The following CELSR1 variants were observed in gnomAD, a reference collection of about 807,000 sequenced individuals.
CELSR1 encodes the protein adhesion G protein-coupled receptor C1.
Under a neutral mutation model 249.1 loss-of-function variants are expected in CELSR1, and 110 were observed. The observed-to-expected ratio is 0.44, with a 90% CI of 0.38 to 0.52. The LOEUF is 0.52. Among genes scored for constraint, CELSR1 ranks in the 20% least tolerant of loss-of-function variants. The pLI, the probability that CELSR1 is intolerant of heterozygous loss-of-function variation, is 0.00. For missense variants in CELSR1, 4,109 were observed against 4,296.4 expected, an observed-to-expected ratio of 0.96 and a Z score of 1.22; for synonymous variants, 2,113 against 1,900.0, an observed-to-expected ratio of 1.11 and a Z score of -2.92.
At position 46,428,159 on chromosome 22, in the gene CELSR1, C is replaced by T. The variant is rs1389512180; in HGVS notation, c.4611+5234G>A. Among the ~76,000 whole-genome samples, 1 of 152,228 alleles carries T rather than the reference C, an allele frequency of 6.6e-6. No homozygotes were observed. Among genetic ancestry groups the T allele is most frequent in the Non-Finnish European group, 1.5e-5 (1 of 68,038 alleles). On this transcript the variant is annotated intron_variant, in intron 5 of 34. Transcript: ENST00000674500. This position sits in a 1 kb window ranked among gnomAD's most constrained non-coding sequence, Gnocchi z 5.7. ...CAGAGGCCGGTCCTCCGGTTTGTTGCAACCGGGCCTCATGCTGTCTTTATA... is the reference window on the plus strand; with the variant it reads ...CAGAGGCCGGTCCTCCGGTTTGTTGTAACCGGGCCTCATGCTGTCTTTATA...
intron 5 of CELSR1, among the ~76,000 whole-genome samples, chr22:46,425,600 C>A (rs2079527902): frequency 6.6e-6 from 1 of 152,096 alleles, no homozygotes; most frequent in African/African-American, 2.4e-5. Context: ...CCCTTATTAC[C>A]CTTTTTAACA....
rs751426145 is a variant in CELSR1 at position 46,464,085 on chromosome 22, C to T, written c.3805G>A (p.Gly1269Ser). Reference sequence around the variant, plus strand: ...GACGGGAAGAACTGGCCGCGGACGCCGCCAGGCAGCAGCGCCGAGAAGGTC... The same window carrying T: ...GACGGGAAGAACTGGCCGCGGACGCTGCCAGGCAGCAGCGCCGAGAAGGTC... Reference protein sequence around the residue: ...NVTFSALLPGGVRGQFFPSED... With the variant: ...NVTFSALLPGSVRGQFFPSED... The change falls in exon 2 of 35, where the codon GGC becomes AGC. Residue 1269 changes from glycine to serine, a missense_variant. Around this residue, in one of 7 missense-constraint regions of CELSR1, gnomAD observed 141 missense variants for 209.4 expected, o/e 0.67. Transcript: ENST00000674500. This position sits in a 1 kb window ranked among gnomAD's most constrained non-coding sequence, Gnocchi z 8.5. 72 of 1,613,730 alleles carry T rather than the reference C, an allele frequency of 4.5e-5. 1 individual carries two copies. The Admixed American group carries it at 5.7e-4, about 13-fold the overall frequency.
chr22:46,365,822 A>G, intron 30 of CELSR1, 133 bp from the exon 31 acceptor site: 1 of 110,482 alleles, frequency 9.1e-6, no homozygotes, highest in Non-Finnish European at 1.6e-5. Context: ...CAGCCTCCCG[A>G]GTATGTGGGG....
intron 1 of CELSR1, among the ~76,000 whole-genome samples, chr22:46,483,011 A>C (rs2080281253): frequency 6.6e-6 from 1 of 152,226 alleles, no homozygotes; most frequent in African/African-American, 2.4e-5. Flanking sequence ...CAAGCCACTC[A>C]GCTGTCTACA....
intron 5 of CELSR1, among the ~76,000 whole-genome samples, chr22:46,431,682 C>T (rs146376910): frequency 7.2e-5 from 11 of 152,346 alleles, no homozygotes; most frequent in Middle Eastern, 6.8e-3. Flanking sequence ...CAGGACGCAA[C>T]GGCCACCCGT....
At chr22:46,515,224 C>G (rs1448973611) in intron 1 of CELSR1, among the ~76,000 whole-genome samples, 4 of 152,210 alleles carry the variant, frequency 2.6e-5, no homozygotes, top group Non-Finnish European at 5.9e-5. Flanking sequence ...CATGGCCCTG[C>G]CCACCACTCC....
rs2078872340 is a variant in CELSR1, at chr22:46,372,985, T to C, written c.7657A>G (p.Ser2553Gly). 1.2e-6 allele frequency: 2 copies of C among 1,613,156 alleles called. No individual in the cohort carries two copies. The highest frequency in any genetic ancestry group is 1.7e-6 in the Non-Finnish European group (2 of 1,179,842). The change falls in exon 25 of 35, where the codon AGC (serine) becomes GGC (glycine). Residue 2553 changes from serine to glycine, a missense_variant. Around this residue, in one of 7 missense-constraint regions of CELSR1, gnomAD observed 1,805 missense variants for 1,831.6 expected, o/e 0.99. Transcript: ENST00000674500. ...GTCAGCATGCGGTAGACATGCAGGC[T>C]CTCCACGAGGGTCCAGGCAAAGGTG... ...MSTFAWTLVESLHVYRMLTEV... is the reference protein window; with the variant it reads ...MSTFAWTLVEGLHVYRMLTEV...
chr22:46,381,957 C>T lies in CELSR1; in HGVS notation c.6977G>A (p.Arg2326Gln), dbSNP rs551376675. The change falls in exon 21 of 35, where the codon CGG becomes CAG. Residue 2326 changes from arginine (R) to glutamine (Q), a missense_variant. Physicochemically the swap from Arg to Gln is conservative, Grantham distance 43. Coordinates refer to ENST00000674500, the MANE Select transcript of CELSR1 (RefSeq NM_001378328.1). This position sits in a 1 kb window ranked among gnomAD's most constrained non-coding sequence, Gnocchi z 6.0. ...GCCAGCGTCATCAGGGTGTCGCCTC[C>T]GCCTGCTGATCGGGGCCTCCCTCTC... Reference protein sequence around the residue: ...GTEREAPISRRRRHPDDAGQF... With the variant: ...GTEREAPISRQRRHPDDAGQF... 187 of 1,564,788 alleles carry T rather than the reference C, an allele frequency of 1.2e-4. 3 individuals are homozygous for T. The South Asian group carries it at 1.5e-3, about 12-fold the overall frequency.
At chr22:46,367,673 C>T (rs1401499571) in intron 28 of CELSR1, 56 bp downstream of exon 28, 9 of 1,556,622 alleles carry the variant, frequency 5.8e-6, no homozygotes, top group East Asian at 4.7e-5. Flanking sequence ...CGCATCACAG[C>T]GATGGTGTCA....
At position 46,377,196 on chromosome 22, in the gene CELSR1, C is replaced by A. The variant is rs1180566124; in HGVS notation, c.7449G>T (p.Leu2483=). ...GGCTCAGGAGGACGAAGGCCACCAG[C>A]AGGGCTGCCAGTGACAAGGACACAG... The part of the protein sequence containing the change: ...YAAVSLSLAA[L]LVAFVLLSLV... The change falls in exon 24 of 35, where the codon CTG becomes CTT. Residue 2483 remains leucine, a synonymous_variant. Transcript: ENST00000674500. 1.2e-6 allele frequency: 2 copies of A among 1,613,946 alleles called. No individual in the cohort carries two copies. The highest frequency in any genetic ancestry group is 3.3e-5 in the Admixed American group (2 of 60,024).
At chr22:46,461,849 A>T (rs911536745) in intron 2 of CELSR1, among the ~76,000 whole-genome samples, 1 of 152,254 alleles carries the variant, frequency 6.6e-6, no homozygotes, top group Middle Eastern at 3.2e-3. Context: ...CATGGCAGGC[A>T]CTGGCTCGGG....
rs765241230 is a variant in CELSR1 at position 46,364,228 on chromosome 22, A to G, written c.8803T>C (p.Tyr2935His). The part of the protein sequence containing the change: ...RKGILKNKVT[Y>H]PPPLTLTEQT... ...TCCGTCAGCGTCAGCGGCGGCGGGT[A>G]GGTGACTTTATTTTTCAAGATGCCT... is the stretch of plus-strand genomic sequence containing the variant. The change falls in exon 34 of 35, where the codon TAC (tyrosine) becomes CAC (histidine). Residue 2935 changes from tyrosine (Y) to histidine (H), a missense_variant. Tyr to His is a moderately conservative substitution (Grantham distance 83). Transcript: ENST00000674500. 8 of 1,609,758 alleles carry G rather than the reference A, an allele frequency of 5.0e-6. No individual in the cohort carries two copies. Among genetic ancestry groups the G allele is most frequent in the Non-Finnish European group, 6.8e-6 (8 of 1,179,618 alleles).
intron 1 of CELSR1, among the ~76,000 whole-genome samples, chr22:46,487,032 C>A (rs896226360): frequency 1.3e-4 from 15 of 118,002 alleles, no homozygotes; most frequent in Non-Finnish European, 2.2e-4. Flanking sequence ...CCTCCACTTC[C>A]TGCCCTCACT....
chr22:46,433,333 C>T lies in CELSR1; in HGVS notation c.4611+60G>A, dbSNP rs533391328. Reference sequence around the variant, plus strand: ...TACAGGCGTGAGCCACTGCGCCTCGCCCCAGGGCACCTTCTCGAGCCGCCC... The same window carrying T: ...TACAGGCGTGAGCCACTGCGCCTCGTCCCAGGGCACCTTCTCGAGCCGCCC... On this transcript the variant is annotated intron_variant, in intron 5 of 34. Coordinates refer to ENST00000674500, the MANE Select transcript of CELSR1 (RefSeq NM_001378328.1). This position sits in a 1 kb window ranked among gnomAD's most constrained non-coding sequence, Gnocchi z 5.7. 1.4e-6 allele frequency: 2 copies of T among 1,383,628 alleles called. No individual in the cohort carries two copies. Among genetic ancestry groups the T allele is most frequent in the South Asian group, 1.2e-5 (1 of 83,366 alleles). The allele number at this position is 1,383,628 out of a possible 1,614,324, so 85.7% of individuals were successfully genotyped here. A position where few individuals can be genotyped will look rare whatever the true frequency, so the allele number is the denominator to read the frequency against.
rs1602068234 is a variant in CELSR1 at position 46,391,933 on chromosome 22, C to G, written c.5965-117G>C. Reference sequence around the variant, plus strand: ...CCCGGGTGTGTGTGTTGGCCGCCAGCCATCCCACCCCTCATGGCTACCCTC... The same window carrying G: ...CCCGGGTGTGTGTGTTGGCCGCCAGGCATCCCACCCCTCATGGCTACCCTC... On this transcript the variant is annotated intron_variant, in intron 14 of 34. Coordinates refer to ENST00000674500, the MANE Select transcript of CELSR1 (RefSeq NM_001378328.1). The surrounding 1 kb of genome is among the most constrained non-coding windows in gnomAD (Gnocchi z 4.3). 1 of 1,081,726 alleles carries G rather than the reference C, an allele frequency of 9.2e-7. No homozygotes were observed. The highest frequency in any genetic ancestry group is 1.3e-6 in the Non-Finnish European group (1 of 765,716). 67.0% of individuals were successfully genotyped at this position (1,081,726 alleles called of 1,614,324 possible).
Position 46,399,309 on chromosome 22 carries a change from G to A in CELSR1, c.5412+408C>T, listed in dbSNP as rs2147284917. On this transcript the variant is annotated intron_variant, in intron 10 of 34. Transcript: ENST00000674500. The surrounding 1 kb of genome is among the most constrained non-coding windows in gnomAD (Gnocchi z 5.0). ...TCTCACAGGCCTGTCCAGGACCTGGGTCTCACTGCTCTCCCAGTTTTGCTC... is the reference window on the plus strand; with the variant it reads ...TCTCACAGGCCTGTCCAGGACCTGGATCTCACTGCTCTCCCAGTTTTGCTC... 6.6e-6 allele frequency among the ~76,000 whole-genome samples: 1 copy of A among 152,312 alleles called. No homozygotes were observed. Among genetic ancestry groups the A allele is most frequent in the South Asian group, 2.1e-4 (1 of 4,822 alleles).
chr22:46,526,617 C>T lies in CELSR1; in HGVS notation c.3544+7010G>A, dbSNP rs1213551306. On this transcript the variant is annotated intron_variant, in intron 1 of 34. Transcript: ENST00000674500. This position sits in a 1 kb window ranked among gnomAD's most constrained non-coding sequence, Gnocchi z 4.7. ...GCCAGACGGCATCCATCACGGATGA[C>T]CCCCTCGGAGACACTCGCCCTCCCT... Among the ~76,000 whole-genome samples, 1 of 152,204 alleles carries T rather than the reference C, an allele frequency of 6.6e-6. No individual in the cohort carries two copies. Among genetic ancestry groups the T allele is most frequent in the Non-Finnish European group, 1.5e-5 (1 of 68,042 alleles).
In CELSR1 at chr22:46,378,607, T is replaced by A. The variant is rs776872119; in HGVS notation, c.7367A>T (p.Asp2456Val). Residue 2456 changes from aspartate to valine, a missense_variant, in exon 23 of 35, where the codon GAT (aspartate) becomes GTT (valine). By Grantham distance (152) the Asp-to-Val change is radical. Transcript: ENST00000674500. ...SHTASFAVLM[D>V]ISRRENGEVL... ...GATGCCCACCTCACGCCTGGAGATA[T>A]CCATGAGCACCGCAAAGCTGGCTGT... The A allele has an allele frequency of 1.1e-5, 17 of 1,582,712 alleles. No homozygotes were observed. The highest frequency in any genetic ancestry group is 1.5e-5 in the Non-Finnish European group (17 of 1,165,144).
intron 24 of CELSR1, among the ~76,000 whole-genome samples, chr22:46,373,712 T>TGGGGGAGAAGGGGGAGATGGGGGAGAG (rs1350336269): frequency 1.3e-5 from 1 of 78,760 alleles, no homozygotes; most frequent in African/African-American, 5.1e-5. Context: ...ATGGGGGAGA[T>TGGGGGAGAAGGGGGAGATGGGGGAGAG]GGGGGAGATG....
Sources: allele counts gnomAD v4.1 joint callset (sites outside exome capture counted in the v4.1 genomes callset), GRCh38; gene constraint gnomAD v4.1.1; regional missense constraint gnomAD v4.1.1; non-coding constraint Gnocchi (gnomAD v3.1); transcripts MANE v1.5; gene names NCBI Gene and HGNC (gene_info 2026-07-23, HGNC 2026-07-21).